Variants in SBF2 observed in about 807,000 individuals in gnomAD.
SBF2 encodes myotubularin-related protein 13.
SBF2 carries 112 observed loss-of-function variants against 225.2 expected under a neutral mutation model. That is an observed-to-expected ratio of 0.50 (90% CI 0.43 to 0.58). The LOEUF is 0.58. SBF2 is among the 20% of genes least tolerant of loss of function. The pLI is 0.00. For missense variants in SBF2, 1,996 were observed against 2,206.2 expected (o/e 0.90, Z 1.91); for synonymous variants, 763 against 773.3 (o/e 0.99, Z 0.22).
intron 16 of SBF2, among the ~76,000 whole-genome samples, chr11:9,916,076 A>G (rs900546584): frequency 6.6e-6 from 1 of 152,192 alleles, no homozygotes; most frequent in African/African-American, 2.4e-5. Context: ...AAAACAGACA[A>G]ACAAAAAAAC....
At chr11:9,925,776 A>G (rs1344091551) in intron 16 of SBF2, among the ~76,000 whole-genome samples, 1 of 152,202 alleles carries the variant, frequency 6.6e-6, no homozygotes, top group Non-Finnish European at 1.5e-5. Flanking sequence ...AAAGTTATAG[A>G]AAGTGTGATT....
At chr11:10,267,843 T>C (rs772740147) in intron 1 of SBF2, among the ~76,000 whole-genome samples, 17 of 152,140 alleles carry the variant, frequency 1.1e-4, no homozygotes, top group Non-Finnish European at 2.4e-4. Context: ...AATATAGTAA[T>C]TTACATTTTC....
intron 1 of SBF2, among the ~76,000 whole-genome samples, chr11:10,248,254 G>C (rs1960000269): frequency 6.6e-6 from 1 of 152,184 alleles, no homozygotes; most frequent in Admixed American, 6.5e-5. Context: ...CATTTAAAAA[G>C]AGGGATGTTT....
At chr11:10,059,378 G>A (rs1459528434) in intron 2 of SBF2, among the ~76,000 whole-genome samples, 1 of 151,928 alleles carries the variant, frequency 6.6e-6, no homozygotes, top group Non-Finnish European at 1.5e-5. Flanking sequence ...GATAGAAAAA[G>A]TTTCAAACCA....
intron 1 of SBF2, among the ~76,000 whole-genome samples, chr11:10,226,279 T>C (rs1958538662): frequency 6.6e-6 from 1 of 152,184 alleles, no homozygotes; most frequent in African/African-American, 2.4e-5. Context: ...TGAAGTAACA[T>C]TTAAGAAACA....
At chr11:10,107,929 C>G (rs1952624750) in intron 2 of SBF2, among the ~76,000 whole-genome samples, 2 of 152,118 alleles carry the variant, frequency 1.3e-5, no homozygotes, top group African/African-American at 4.8e-5. Context: ...GAAAGCAAAT[C>G]AGTGGTTATC....
At chr11:10,123,487 A>G (rs1164456055) in intron 2 of SBF2, among the ~76,000 whole-genome samples, 3 of 152,172 alleles carry the variant, frequency 2.0e-5, no homozygotes, top group Admixed American at 6.5e-5. Context: ...AGAATGTGAT[A>G]TTTAAGTTTT....
intron 2 of SBF2, among the ~76,000 whole-genome samples, chr11:10,122,396 T>G (rs1953508398): frequency 6.6e-6 from 1 of 152,172 alleles, no homozygotes; most frequent in South Asian, 2.1e-4. Flanking sequence ...ACTCCTCAGC[T>G]AAGTGGGGAC....
intron 3 of SBF2, among the ~76,000 whole-genome samples, chr11:10,038,690 T>C (rs1949538283): frequency 6.6e-6 from 1 of 151,862 alleles, no homozygotes; most frequent in South Asian, 2.1e-4. Flanking sequence ...TCTCCCTCTT[T>C]TTTCCTCCTC....
chr11:10,159,277 ACCT>A (rs1185859529), intron 2 of SBF2, among the ~76,000 whole-genome samples: 2 of 152,090 alleles, frequency 1.3e-5, no homozygotes, highest in Admixed American at 6.5e-5. Flanking sequence ...CCCAAAGCAG[ACCT>A]CCTTCTGGCC....
At chr11:9,797,216 T>C (rs577587522) in intron 32 of SBF2, among the ~76,000 whole-genome samples, 5 of 152,358 alleles carry the variant, frequency 3.3e-5, no homozygotes, top group South Asian at 2.1e-4. Flanking sequence ...TGTGATAATG[T>C]TGATTGTCCA....
At chr11:9,804,187 G>C (rs1279279719) in intron 32 of SBF2, among the ~76,000 whole-genome samples, 1 of 152,130 alleles carries the variant, frequency 6.6e-6, no homozygotes, top group Non-Finnish European at 1.5e-5. Context: ...GGGAACACCA[G>C]ACACAACTGG....
rs142840119 is a variant in SBF2 at position 10,189,113 on chromosome 11, T to A, written c.141+4789A>T. 1.2e-3 allele frequency among the ~76,000 whole-genome samples: 186 copies of A among 152,342 alleles called. 2 individuals carry two copies. The highest frequency in any genetic ancestry group is 0.011 in the Admixed American group (161 of 15,300). ...CCATACATACCTTTTATAAACTTTT[T>A]AAAATCTGTCTTCTTCTATTTCTCA... On this transcript the variant is annotated intron_variant, in intron 2 of 39. Coordinates refer to ENST00000256190, the MANE Select transcript of SBF2 (RefSeq NM_030962.4).
At chr11:9,798,263 C>G (rs570973185) in intron 32 of SBF2, among the ~76,000 whole-genome samples, 1 of 152,156 alleles carries the variant, frequency 6.6e-6, no homozygotes, top group Admixed American at 6.5e-5. Flanking sequence ...CTTTCTTAAG[C>G]ATTGCTCAGA....
chr11:9,780,813 C>G, intron 39 of SBF2: 1 of 404,438 alleles, frequency 2.5e-6, no homozygotes, highest in Non-Finnish European at 4.7e-6. Context: ...ATGAATGGTG[C>G]CTTTAACCTT....
chr11:9,787,925 G>T, intron 35 of SBF2, 187 bp from the exon 36 acceptor site: 1 of 627,752 alleles, frequency 1.6e-6, no homozygotes, highest in Non-Finnish European at 2.8e-6. Flanking sequence ...TTGGTGTGCC[G>T]TACTGTGGCA....
At chr11:10,056,067 A>G (rs577851398) in intron 2 of SBF2, among the ~76,000 whole-genome samples, 2 of 152,320 alleles carry the variant, frequency 1.3e-5, no homozygotes, top group South Asian at 4.1e-4. Context: ...ACTAATTATA[A>G]GTTTAAAATA....
intron 35 of SBF2, 54 bp downstream of exon 35, chr11:9,789,055 C>T: frequency 6.7e-7 from 1 of 1,494,684 alleles, no homozygotes; most frequent in Non-Finnish European, 9.3e-7. Context: ...TTCCTTTGCC[C>T]TCATGCCTCC....
At chr11:10,067,904 G>A (rs1337340239) in intron 2 of SBF2, among the ~76,000 whole-genome samples, 3 of 152,030 alleles carry the variant, frequency 2.0e-5, no homozygotes, top group Admixed American at 2.0e-4. Context: ...ATAAAAAAAA[G>A]AAATGCAAAC....
Sources: allele counts gnomAD v4.1 joint callset (sites outside exome capture counted in the v4.1 genomes callset), GRCh38; gene constraint gnomAD v4.1.1; transcripts MANE v1.5; gene names NCBI Gene and HGNC (gene_info 2026-07-23, HGNC 2026-07-21).